The following PRDM5 variants were observed in gnomAD, a reference collection of about 807,000 sequenced individuals.
The protein encoded by PRDM5 is PR domain zinc finger protein 5.
PRDM5 carries 56 observed loss-of-function variants against 81.2 expected under a neutral mutation model. The ratio of observed to expected loss-of-function variants is 0.69; its 90% CI spans 0.56 to 0.86. PRDM5 has a LOEUF of 0.86. Among genes scored for constraint, PRDM5 ranks in the 40% least tolerant of loss-of-function variants. The probability of loss-of-function intolerance (pLI) is 0.00; values close to 1 mark genes in which losing one functional copy is unlikely to be tolerated. For synonymous variants in PRDM5, 267 were observed against 256.4 expected (o/e 1.04, Z -0.39); for missense variants, 697 against 770.1 (o/e 0.91, Z 1.12).
At chr4:120,737,983 T>C (rs773874733) in intron 14 of PRDM5, among the ~76,000 whole-genome samples, 44 of 152,196 alleles carry the variant, frequency 2.9e-4, no homozygotes, top group Non-Finnish European at 4.7e-4. Flanking sequence ...GAAAAAGAGA[T>C]GTGAGCTACA....
At chr4:120,796,189 G>T (rs1751324678) in intron 10 of PRDM5, among the ~76,000 whole-genome samples, 5 of 152,112 alleles carry the variant, frequency 3.3e-5, no homozygotes, top group Admixed American at 3.3e-4. Flanking sequence ...AGCCATTAAT[G>T]ATTGTGATGG....
chr4:120,787,819 T>C lies in PRDM5; in HGVS notation c.1189-2728A>G, dbSNP rs192672691. On this transcript the variant is annotated intron_variant, in intron 10 of 15. Coordinates refer to ENST00000264808, the MANE Select transcript of PRDM5 (RefSeq NM_018699.4). ...GTTCAAATAAATATTACGAGATGTC[T>C]AGCACTACAGGTACTTGAATATTTC... Among the ~76,000 whole-genome samples the C allele has an allele frequency of 5.9e-5, 9 of 152,276 alleles. No homozygotes were observed. The East Asian group carries it at 1.7e-3, about 29-fold the overall frequency.
At chr4:120,703,343 G>A (rs1735653698) in intron 15 of PRDM5, among the ~76,000 whole-genome samples, 1 of 151,958 alleles carries the variant, frequency 6.6e-6, no homozygotes, top group South Asian at 2.1e-4. Flanking sequence ...GTGCCGCCAT[G>A]CCAGCTAATT....
At chr4:120,842,904 A>G (rs1758184012) in intron 3 of PRDM5, among the ~76,000 whole-genome samples, 2 of 152,202 alleles carry the variant, frequency 1.3e-5, no homozygotes, top group South Asian at 4.1e-4. Flanking sequence ...AGGCTTTGTT[A>G]GGTCACTAAA....
At chr4:120,839,867 GGGGGAGCTGAGGCAGC>G (rs1173896542) in intron 3 of PRDM5, among the ~76,000 whole-genome samples, 6 of 152,306 alleles carry the variant, frequency 3.9e-5, no homozygotes, top group South Asian at 2.1e-4. Context: ...AGTCTGCAGC[GGGGGAGCTGAGGCAGC>G]GGGGAGCTGA....
intron 14 of PRDM5, among the ~76,000 whole-genome samples, chr4:120,748,812 T>A (rs1386760170): frequency 1.3e-5 from 2 of 152,048 alleles, no homozygotes; most frequent in African/African-American, 4.8e-5. Flanking sequence ...TGCTGAGGCT[T>A]GCCTGAGGCC....
chr4:120,871,733 G>A lies in PRDM5; in HGVS notation c.178-18193C>T, dbSNP rs181124550. Reference sequence around the variant, plus strand: ...ATGCTAAGTATCTTAAAATATTATCGATCCTTCAAATACATTAGGGTGGCT... The same window carrying A: ...ATGCTAAGTATCTTAAAATATTATCAATCCTTCAAATACATTAGGGTGGCT... On this transcript the variant is annotated intron_variant, in intron 2 of 15. Transcript: ENST00000264808. Among the ~76,000 whole-genome samples the A allele has an allele frequency of 1.4e-4, 21 of 149,434 alleles. 1 individual carries two copies. Among genetic ancestry groups the A allele is most frequent in the Admixed American group, 1.3e-3 (19 of 14,998 alleles).
intron 1 of PRDM5, among the ~76,000 whole-genome samples, chr4:120,913,432 C>G (rs1766742205): frequency 6.6e-6 from 1 of 152,222 alleles, no homozygotes; most frequent in South Asian, 2.1e-4. Flanking sequence ...CTGCAGTTGT[C>G]TCTCTTACTC....
At chr4:120,835,467 T>C (rs4833684) in intron 3 of PRDM5, among the ~76,000 whole-genome samples, 33,292 of 152,148 alleles carry the variant, frequency 0.22, 3,976 homozygotes, top group Non-Finnish European at 0.28. Context: ...CAAATCTCAT[T>C]TTGAATTCCC....
At chr4:120,815,215 G>A (rs189264667) in intron 7 of PRDM5, among the ~76,000 whole-genome samples, 50 of 152,242 alleles carry the variant, frequency 3.3e-4, no homozygotes, top group African/African-American at 9.9e-4. Context: ...AAAAAACTAC[G>A]AAGGCAAGTC....
chr4:120,757,775 C>T (rs1030910010), intron 13 of PRDM5, among the ~76,000 whole-genome samples: 2 of 151,788 alleles, frequency 1.3e-5, no homozygotes, highest in Non-Finnish European at 2.9e-5. Flanking sequence ...CTTTCTTCTT[C>T]TTCTTCTCCC....
At position 120,821,326 on chromosome 4, in the gene PRDM5, T is replaced by C. The variant is rs387907111; in HGVS notation, c.320A>G (p.Tyr107Cys). The C allele has an allele frequency of 1.4e-5, 22 of 1,613,880 alleles. No homozygotes were observed. The highest frequency in any genetic ancestry group is 2.7e-5 in the African/African-American group (2 of 74,936). ...TGTTTCTATATCTTCAACTGCCAAA[T>C]AGAAAATGTTTTCTCCTTCCTGAAA... ...AAIQEGENIF[Y>C]LAVEDIETDT... is the part of the protein sequence containing the mutation. The change falls in exon 4 of 16, where the codon TAT becomes TGT. Residue 107 changes from tyrosine (Y) to cysteine (C), a missense_variant. Around this residue, in one of 3 missense-constraint regions of PRDM5, gnomAD observed 577 missense variants for 606.7 expected, o/e 0.95. Coordinates refer to ENST00000264808, the MANE Select transcript of PRDM5 (RefSeq NM_018699.4).
intron 3 of PRDM5, among the ~76,000 whole-genome samples, chr4:120,842,264 TCA>T (rs1429929601): frequency 5.3e-5 from 8 of 152,220 alleles, no homozygotes; most frequent in Non-Finnish European, 1.2e-4. Flanking sequence ...TACTCAGCAC[TCA>T]CAGAGTAAAA....
At chr4:120,734,335 C>G (rs1740736229) in intron 14 of PRDM5, among the ~76,000 whole-genome samples, 1 of 150,954 alleles carries the variant, frequency 6.6e-6, no homozygotes, top group Non-Finnish European at 1.5e-5. Flanking sequence ...ATGCATTAGA[C>G]CAGAGATTCT....
chr4:120,821,321 C>T lies in PRDM5; in HGVS notation c.325G>A (p.Ala109Thr). ...GTGTCTGTTTCTATATCTTCAACTG[C>T]CAAATAGAAAATGTTTTCTCCTTCC... ...IQEGENIFYL[A>T]VEDIETDTEL... The change falls in exon 4 of 16, where the codon GCA (alanine) becomes ACA (threonine). Residue 109 changes from alanine to threonine, a missense_variant. Coordinates refer to ENST00000264808, the MANE Select transcript of PRDM5 (RefSeq NM_018699.4). 6.2e-7 allele frequency: 1 copy of T among 1,613,914 alleles called. No homozygotes were observed. The highest frequency in any genetic ancestry group is 8.5e-7 in the Non-Finnish European group (1 of 1,179,954).
chr4:120,684,311 T>C (rs151114961), downstream of PRDM5, among the ~76,000 whole-genome samples: 45 of 152,058 alleles, frequency 3.0e-4, no homozygotes, highest in East Asian at 5.6e-3. Context: ...AATATTTTAA[T>C]TGATGAAACA....
intron 2 of PRDM5, 113 bp from the exon 3 acceptor site, chr4:120,853,653 G>C (rs1283934249): frequency 1.5e-6 from 2 of 1,344,078 alleles, no homozygotes; most frequent in Non-Finnish European, 1.1e-6. Context: ...TTTATTGATG[G>C]GTGATAAATA....
At chr4:120,777,917 C>G (rs1748423104) in intron 12 of PRDM5, among the ~76,000 whole-genome samples, 1 of 152,014 alleles carries the variant, frequency 6.6e-6, no homozygotes, top group South Asian at 2.1e-4. Flanking sequence ...TCGATAAATG[C>G]TGGAGAGTTC....
At chr4:120,850,167 A>C (rs1759102039) in intron 3 of PRDM5, among the ~76,000 whole-genome samples, 1 of 152,114 alleles carries the variant, frequency 6.6e-6, no homozygotes, top group Non-Finnish European at 1.5e-5. Context: ...GACGTTTTCC[A>C]CCGAGCAAGC....
Sources: gnomAD v4.1 joint callset for allele counts (sites outside exome capture counted in the v4.1 genomes callset) on GRCh38, gnomAD v4.1.1 for gene constraint, gnomAD v4.1.1 regional missense constraint, MANE v1.5 for transcripts, NCBI Gene and HGNC (gene_info 2026-07-23, HGNC 2026-07-21) for gene names.